The following MAP2K1 variants were observed in gnomAD, a reference collection of about 807,000 sequenced individuals.
MAP2K1 encodes the protein dual specificity mitogen-activated protein kinase kinase 1.
Under a neutral mutation model 46.3 loss-of-function variants are expected in MAP2K1, and 16 were observed. That is an observed-to-expected ratio of 0.35 (90% CI 0.23 to 0.52). The LOEUF is 0.52. Ranked by LOEUF, MAP2K1 falls within the 20% of genes least tolerant of loss-of-function variation. The pLI, the probability that MAP2K1 is intolerant of heterozygous loss-of-function variation, is 0.94. For synonymous variants in MAP2K1, 183 were observed against 185.6 expected (o/e 0.99, Z 0.11); for missense variants, 263 against 497.1 (o/e 0.53, Z 4.48).
chr15:66,415,782 C>CTA (rs2093423195), intron 1 of MAP2K1, among the ~76,000 whole-genome samples: 1 of 152,036 alleles, frequency 6.6e-6, no homozygotes, highest in Non-Finnish European at 1.5e-5. Flanking sequence ...ACAAAACATA[C>CTA]TATATATATT....
At chr15:66,437,860 G>A (rs1275154995) in intron 3 of MAP2K1, among the ~76,000 whole-genome samples, 1 of 152,062 alleles carries the variant, frequency 6.6e-6, no homozygotes, top group Non-Finnish European at 1.5e-5. Flanking sequence ...GAAAGTGCTT[G>A]TTCCTTCTTT....
chr15:66,431,204 T>A (rs2093474232), intron 1 of MAP2K1, among the ~76,000 whole-genome samples: 1 of 152,198 alleles, frequency 6.6e-6, no homozygotes, highest in South Asian at 2.1e-4. Context: ...AGAGACAGGT[T>A]CATGCCCTCT....
At chr15:66,471,761 C>T (rs371364409) in intron 5 of MAP2K1, among the ~76,000 whole-genome samples, 4 of 152,040 alleles carry the variant, frequency 2.6e-5, no homozygotes, top group African/African-American at 9.7e-5. Flanking sequence ...AGCTCTTATA[C>T]TTTGATTAAA....
Position 66,409,781 on chromosome 15 carries a change from T to C in MAP2K1, c.80+22354T>C, listed in dbSNP as rs570733506. The stretch of plus-strand genomic sequence containing the variant: ...ACCAGTCTTCACACCCCCGCTAATA[T>C]ATCTAGGCTGATAAGGTGAATGCTG... On this transcript the variant is annotated intron_variant, in intron 1 of 10. Transcript: ENST00000307102. Among the ~76,000 whole-genome samples, 116 of 152,150 alleles carry C rather than the reference T, an allele frequency of 7.6e-4. 1 individual carries two copies. The highest frequency in any genetic ancestry group is 1.4e-3 in the Non-Finnish European group (98 of 68,014).
intron 5 of MAP2K1, among the ~76,000 whole-genome samples, chr15:66,447,976 C>T (rs1219927650): frequency 6.6e-6 from 1 of 151,766 alleles, no homozygotes; most frequent in Non-Finnish European, 1.5e-5. Flanking sequence ...CATGGTGAAA[C>T]CCCCTATCTC....
Position 66,387,096 on chromosome 15 carries a change from C to G in MAP2K1, c.-252C>G, listed in dbSNP as rs907198296. On this transcript the variant is annotated 5_prime_UTR_variant, in exon 1 of 11. Coordinates refer to ENST00000307102, the MANE Select transcript of MAP2K1 (RefSeq NM_002755.4). Reference sequence around the variant, plus strand: ...TGCCGAACCGCACGTTCAGCCCGCTCCGCTCCTGCAGGGCAGCCTTTCGGC... The same window carrying G: ...TGCCGAACCGCACGTTCAGCCCGCTGCGCTCCTGCAGGGCAGCCTTTCGGC... The G allele has an allele frequency of 2.6e-5, 11 of 423,182 alleles. No individual in the cohort carries two copies. Among genetic ancestry groups the G allele is most frequent in the Non-Finnish European group, 4.2e-5 (10 of 240,886 alleles). 26.2% of individuals were successfully genotyped at this position (423,182 alleles called of 1,614,324 possible). A position where few individuals can be genotyped will look rare whatever the true frequency, so the allele number is the denominator to read the frequency against.
At chr15:66,415,341 T>C (rs1179622338) in intron 1 of MAP2K1, 1 of 309,860 alleles carries the variant, frequency 3.2e-6, no homozygotes, top group Non-Finnish European at 6.2e-6. Context: ...ATTCCAAAGA[T>C]TTAGAGGTTA....
chr15:66,453,127 T>C (rs1486575223), intron 5 of MAP2K1, among the ~76,000 whole-genome samples: 1 of 152,220 alleles, frequency 6.6e-6, no homozygotes, highest in Non-Finnish European at 1.5e-5. Context: ...ATGTACCTAC[T>C]ATGGATCATG....
chr15:66,409,153 A>G (rs1047086518), intron 1 of MAP2K1, among the ~76,000 whole-genome samples: 1 of 152,084 alleles, frequency 6.6e-6, no homozygotes, highest in African/African-American at 2.4e-5. Context: ...CACATGAGGC[A>G]TGTGGGATGT....
chr15:66,392,486 G>A (rs2095520855), intron 1 of MAP2K1, among the ~76,000 whole-genome samples: 1 of 150,468 alleles, frequency 6.6e-6, no homozygotes, highest in South Asian at 2.1e-4. Flanking sequence ...TGCACCAGGA[G>A]TATTTGAACA....
intron 1 of MAP2K1, among the ~76,000 whole-genome samples, chr15:66,410,932 C>T (rs1000492478): frequency 6.6e-6 from 1 of 152,138 alleles, no homozygotes; most frequent in Non-Finnish European, 1.5e-5. Context: ...CATCTCCCGC[C>T]CAGGCCTGCC....
chr15:66,478,959 G>A (rs1892848789), intron 5 of MAP2K1, among the ~76,000 whole-genome samples: 1 of 152,212 alleles, frequency 6.6e-6, no homozygotes, highest in African/African-American at 2.4e-5. Flanking sequence ...AGTAGGTGAT[G>A]ACCGTTAGAG....
intron 5 of MAP2K1, among the ~76,000 whole-genome samples, chr15:66,468,060 T>C (rs758997599): frequency 6.6e-5 from 10 of 152,268 alleles, no homozygotes; most frequent in Non-Finnish European, 1.5e-4. Context: ...AGCTTATCTA[T>C]CAAAGATTTT....
In MAP2K1 at chr15:66,490,804, A is replaced by G. The variant is rs1230466885; in HGVS notation, c.*189A>G. The G allele has an allele frequency of 3.0e-6, 2 of 675,424 alleles. No homozygotes were observed. Among genetic ancestry groups the G allele is most frequent in the African/African-American group, 3.5e-5 (2 of 56,562 alleles). 41.8% of individuals were successfully genotyped at this position (675,424 alleles called of 1,614,324 possible). On this transcript the variant is annotated 3_prime_UTR_variant, in exon 11 of 11. Transcript: ENST00000307102. ...TACTGTCTTTATTCTTATTACTATT[A>G]TTGTTCCCCTAAGTGGATTGGCTTT...
chr15:66,387,036 T>G lies in MAP2K1; in HGVS notation c.-312T>G, dbSNP rs2093342380. On this transcript the variant is annotated 5_prime_UTR_variant, in exon 1 of 11. Transcript: ENST00000307102. ...GTGCCGCCCGAGCCGGAGGGACTGG[T>G]TGGTTGAGAGAGAGAGAGGAAGGGA... 3.8e-5 allele frequency: 12 copies of G among 317,144 alleles called. No homozygotes were observed. The highest frequency in any genetic ancestry group is 4.6e-5 in the Non-Finnish European group (8 of 174,802). 19.6% of individuals were successfully genotyped at this position (317,144 alleles called of 1,614,324 possible). A position where few individuals can be genotyped will look rare whatever the true frequency, so the allele number is the denominator to read the frequency against.
rs1438337109 is a variant in MAP2K1, at chr15:66,482,501, C to T, written c.693+622C>T. Among the ~76,000 whole-genome samples the T allele has an allele frequency of 2.0e-5, 3 of 152,228 alleles. No individual in the cohort carries two copies. In the South Asian group the frequency reaches 6.2e-4, roughly 31 times the overall value. On this transcript the variant is annotated intron_variant, in intron 6 of 10. Coordinates refer to ENST00000307102, the MANE Select transcript of MAP2K1 (RefSeq NM_002755.4). ...AGAGTCTCTGCTCCACTTCAGCCAA[C>T]ACCCTGTGTTGAGGGTATTTCCTCC...
At chr15:66,468,540 G>A (rs998490711) in intron 5 of MAP2K1, among the ~76,000 whole-genome samples, 1 of 152,072 alleles carries the variant, frequency 6.6e-6, no homozygotes, top group Non-Finnish European at 1.5e-5. Context: ...ATTTAGATAG[G>A]TACTACCTAT....
intron 3 of MAP2K1, among the ~76,000 whole-genome samples, chr15:66,442,079 C>G (rs2093505549): frequency 6.6e-6 from 1 of 152,196 alleles, no homozygotes; most frequent in Non-Finnish European, 1.5e-5. Flanking sequence ...ACCATACTTG[C>G]ATCCTCTCTT....
At chr15:66,416,980 C>T (rs1232794580) in intron 1 of MAP2K1, among the ~76,000 whole-genome samples, 1 of 152,176 alleles carries the variant, frequency 6.6e-6, no homozygotes, top group Non-Finnish European at 1.5e-5. Flanking sequence ...CCTCTACATG[C>T]TGTTCAGGGC....
Sources: gnomAD v4.1 joint callset for allele counts (sites outside exome capture counted in the v4.1 genomes callset) on GRCh38, gnomAD v4.1.1 for gene constraint, MANE v1.5 for transcripts, NCBI Gene and HGNC (gene_info 2026-07-23, HGNC 2026-07-21) for gene names.